FOXP1: variants seen among roughly 807,000 people sequenced by gnomAD.
FOXP1 encodes the protein forkhead box protein P1.
FOXP1 carries 15 observed loss-of-function variants against 98.2 expected under a neutral mutation model. The observed-to-expected ratio is 0.15, with a 90% CI of 0.10 to 0.24. The LOEUF (loss-of-function observed/expected upper bound fraction) is 0.24, where lower values mean the gene tolerates loss of function less well. FOXP1 is among the 10% of genes least tolerant of loss of function. The probability of loss-of-function intolerance (pLI) is 1.00; values close to 1 mark genes in which losing one functional copy is unlikely to be tolerated. For missense variants in FOXP1, 633 were observed against 848.5 expected (o/e 0.75, Z 3.15); for synonymous variants, 371 against 314.5 (o/e 1.18, Z -1.90).
intron 14 of FOXP1, among the ~76,000 whole-genome samples, chr3:70,987,628 T>C (rs2039962012): frequency 6.6e-6 from 1 of 152,214 alleles, no homozygotes; most frequent in African/African-American, 2.4e-5. Flanking sequence ...CTCTTTGCTT[T>C]GCTGTCATGG....
chr3:71,100,863 T>C (rs901081145), intron 7 of FOXP1, among the ~76,000 whole-genome samples: 3 of 152,216 alleles, frequency 2.0e-5, no homozygotes, highest in East Asian at 3.9e-4. Context: ...AAAGCTGGAA[T>C]GCTAATTAAC....
intron 12 of FOXP1, among the ~76,000 whole-genome samples, chr3:71,001,910 G>A (rs1401374632): frequency 1.3e-5 from 2 of 152,186 alleles, no homozygotes; most frequent in Admixed American, 6.5e-5. Context: ...ACCTGATTCT[G>A]TAATGGGATA....
chr3:71,427,524 A>T (rs2108363170), intron 3 of FOXP1, among the ~76,000 whole-genome samples: 1 of 152,352 alleles, frequency 6.6e-6, no homozygotes, highest in Non-Finnish European at 1.5e-5. Flanking sequence ...TCTTGTGAAA[A>T]AAAGGAGCTA....
intron 2 of FOXP1, among the ~76,000 whole-genome samples, chr3:71,493,902 G>C (rs945323438): frequency 6.6e-6 from 1 of 151,932 alleles, no homozygotes; most frequent in Admixed American, 6.6e-5. Flanking sequence ...ACAGATAAAT[G>C]TACCATTCCC....
chr3:71,436,039 A>G (rs1329491414), intron 3 of FOXP1, among the ~76,000 whole-genome samples: 1 of 151,814 alleles, frequency 6.6e-6, no homozygotes, highest in Non-Finnish European at 1.5e-5. Context: ...GAATCTGTCT[A>G]CATATATTAA....
intron 3 of FOXP1, among the ~76,000 whole-genome samples, chr3:71,397,903 A>T (rs564727019): frequency 1.3e-3 from 204 of 152,298 alleles, no homozygotes; most frequent in Middle Eastern, 6.8e-3. Context: ...TTTTACAGGG[A>T]TGCAAGGGAA....
At chr3:70,997,022 T>G (rs2041466725) in intron 13 of FOXP1, among the ~76,000 whole-genome samples, 1 of 152,220 alleles carries the variant, frequency 6.6e-6, no homozygotes, top group Non-Finnish European at 1.5e-5. Flanking sequence ...GATAATTTTG[T>G]AACACACTGA....
Position 71,405,733 on chromosome 3 carries a change from TA to T in FOXP1, c.-167-46490del, listed in dbSNP as rs1423932681. On this transcript the variant is annotated intron_variant, in intron 3 of 20. Coordinates refer to ENST00000649528, the MANE Select transcript of FOXP1 (RefSeq NM_001349338.3). The stretch of plus-strand genomic sequence containing the variant: ...AGGCAACAGTATTTATTTATTTATT[TA>T]TTTATTTTTTTGAGATGGAGTTTCA... Among the ~76,000 whole-genome samples the T allele has an allele frequency of 6.7e-4, 101 of 151,496 alleles. 2 individuals are homozygous for T. The highest frequency in any genetic ancestry group is 4.0e-3 in the South Asian group (19 of 4,784).
chr3:71,238,836 G>A (rs373986946), intron 5 of FOXP1, among the ~76,000 whole-genome samples: 2 of 152,146 alleles, frequency 1.3e-5, no homozygotes, highest in Admixed American at 6.5e-5. Flanking sequence ...GGGAAGAGGA[G>A]GTTGAAGAGG....
At chr3:71,104,243 C>A (rs904874427) in intron 7 of FOXP1, among the ~76,000 whole-genome samples, 3 of 152,066 alleles carry the variant, frequency 2.0e-5, no homozygotes, top group Non-Finnish European at 4.4e-5. Flanking sequence ...ACACTAAAAC[C>A]AATTTTAAAC....
chr3:71,416,547 A>AACACACACAC (rs55710900), intron 3 of FOXP1, among the ~76,000 whole-genome samples: 9 of 136,780 alleles, frequency 6.6e-5, no homozygotes, highest in East Asian at 4.8e-4. Flanking sequence ...TCTGTCTCAA[A>AACACACACAC]ACACACACAC....
intron 4 of FOXP1, among the ~76,000 whole-genome samples, chr3:71,331,311 T>C (rs1356286901): frequency 6.6e-6 from 1 of 152,154 alleles, no homozygotes; most frequent in Non-Finnish European, 1.5e-5. Context: ...CCCTGGGCCT[T>C]AGCTGCCTCC....
chr3:71,236,481 T>C (rs2066787494), intron 5 of FOXP1, among the ~76,000 whole-genome samples: 2 of 152,220 alleles, frequency 1.3e-5, no homozygotes, highest in African/African-American at 4.8e-5. Flanking sequence ...AGATATCATG[T>C]AGATTCTAGA....
intron 4 of FOXP1, among the ~76,000 whole-genome samples, chr3:71,350,425 A>G (rs759192384): frequency 4.6e-5 from 7 of 152,166 alleles, no homozygotes; most frequent in Admixed American, 1.3e-4. Flanking sequence ...TAGCTTCTCT[A>G]TCACCATATT....
intron 4 of FOXP1, among the ~76,000 whole-genome samples, chr3:71,337,918 T>TA: frequency 6.6e-6 from 1 of 152,178 alleles, no homozygotes; most frequent in African/African-American, 2.4e-5. Context: ...TCAAGATATG[T>TA]ACCTCCGTTA....
chr3:71,374,457 G>A (rs2079562897), intron 3 of FOXP1, among the ~76,000 whole-genome samples: 1 of 152,118 alleles, frequency 6.6e-6, no homozygotes, highest in Non-Finnish European at 1.5e-5. Flanking sequence ...GCTGGGTATG[G>A]TGGCACACAC....
At position 71,557,538 on chromosome 3, in the gene FOXP1, T is replaced by C. The variant is rs541301806; in HGVS notation, c.-298+24011A>G. On this transcript the variant is annotated intron_variant, in intron 2 of 20. Transcript: ENST00000649528. ...AAAAGAAAAGGTGCCCTTCTGTGTG[T>C]CTGCTTCTGCAGTGAGACACAAGAG... 4.1e-4 allele frequency among the ~76,000 whole-genome samples: 63 copies of C among 152,334 alleles called. 1 individual carries two copies. Among genetic ancestry groups the C allele is most frequent in the Middle Eastern group, 6.8e-3 (2 of 294 alleles).
At chr3:71,583,030 C>T (rs1681486676) in intron 1 of FOXP1, among the ~76,000 whole-genome samples, 1 of 151,780 alleles carries the variant, frequency 6.6e-6, no homozygotes, top group African/African-American at 2.4e-5. Flanking sequence ...AGGAGGCGCC[C>T]GGCGCGCGCC....
intron 4 of FOXP1, among the ~76,000 whole-genome samples, chr3:71,335,728 G>C (rs1438301208): frequency 1.3e-5 from 2 of 152,242 alleles, no homozygotes; most frequent in Non-Finnish European, 2.9e-5. Context: ...AAGGTGGCCA[G>C]GCGTGGTGGC....
Sources: allele counts gnomAD v4.1 joint callset (sites outside exome capture counted in the v4.1 genomes callset), GRCh38; gene constraint gnomAD v4.1.1; transcripts MANE v1.5; gene names NCBI Gene and HGNC (gene_info 2026-07-23, HGNC 2026-07-21).